Variants in PALS1 observed in about 807,000 individuals in gnomAD.
The protein encoded by PALS1 is protein PALS1.
In PALS1, 31 loss-of-function variants were observed where a neutral mutation model predicts 78.9. The ratio of observed to expected loss-of-function variants is 0.39; its 90% CI spans 0.30 to 0.53. The LOEUF is 0.53. Ranked by LOEUF, PALS1 falls within the 20% of genes least tolerant of loss-of-function variation. The pLI is 0.67. For missense variants in PALS1, 704 were observed against 826.5 expected, an observed-to-expected ratio of 0.85 and a Z score of 1.82; for synonymous variants, 276 against 270.9, an observed-to-expected ratio of 1.02 and a Z score of -0.18.
Position 67,302,011 on chromosome 14 carries a change from A to G in PALS1, c.694A>G (p.Met232Val). 7.5e-6 allele frequency: 12 copies of G among 1,608,622 alleles called. No homozygotes were observed. The highest frequency in any genetic ancestry group is 1.0e-5 in the Non-Finnish European group (12 of 1,177,702). Reference protein sequence around the residue: ...LAHDKVAEQEMQLEPITDERV... With the variant: ...LAHDKVAEQEVQLEPITDERV... ...CCACGATAAGGTTGCTGAGCAGGAA[A>G]TGCAGCTAGAGCCCATTACAGATGA... The change falls in exon 6 of 15, where the codon ATG becomes GTG. Residue 232 changes from methionine to valine, a missense_variant. By Grantham distance (21) the Met-to-Val change is conservative. Coordinates refer to ENST00000261681, the MANE Select transcript of PALS1 (RefSeq NM_022474.4).
chr14:67,286,881 AAC>A (rs1347095583), intron 3 of PALS1, among the ~76,000 whole-genome samples: 1 of 151,468 alleles, frequency 6.6e-6, no homozygotes, highest in Non-Finnish European at 1.5e-5. Flanking sequence ...AAAAGAAAAA[AAC>A]TGTTCTTGAA....
At chr14:67,330,157 T>TAATA (rs201443109) in intron 14 of PALS1, among the ~76,000 whole-genome samples, 1 of 139,422 alleles carries the variant, frequency 7.2e-6, no homozygotes, top group Non-Finnish European at 1.6e-5. Flanking sequence ...TAATAATAAT[T>TAATA]ATTATTATTA....
intron 1 of PALS1, among the ~76,000 whole-genome samples, chr14:67,253,392 T>C (rs2084094295): frequency 6.6e-6 from 1 of 152,136 alleles, no homozygotes; most frequent in African/African-American, 2.4e-5. Flanking sequence ...ATAGTGAAAG[T>C]CAAATGAGAG....
intron 1 of PALS1, among the ~76,000 whole-genome samples, chr14:67,251,405 T>C (rs2084061180): frequency 6.6e-6 from 1 of 152,074 alleles, no homozygotes; most frequent in South Asian, 2.1e-4. Context: ...TGGTGGTGTG[T>C]GCCTGTGGTC....
intron 1 of PALS1, among the ~76,000 whole-genome samples, chr14:67,244,383 A>G (rs2083954101): frequency 6.6e-6 from 1 of 152,164 alleles, no homozygotes; most frequent in South Asian, 2.1e-4. Context: ...TATGAGTGAC[A>G]GTGGCTTCAC....
intron 11 of PALS1, 77 bp from the exon 12 acceptor site, chr14:67,320,153 T>G (rs541060019): frequency 1.0e-3 from 1,410 of 1,356,470 alleles, no homozygotes; most frequent in Non-Finnish European, 1.3e-3. Flanking sequence ...TAATTTTGGG[T>G]GAAGATCTAT....
chr14:67,258,345 G>A (rs2084178811), intron 1 of PALS1, among the ~76,000 whole-genome samples: 1 of 152,212 alleles, frequency 6.6e-6, no homozygotes, highest in East Asian at 1.9e-4. Context: ...GACTAGTCTG[G>A]GCAATGTGGC....
intron 8 of PALS1, among the ~76,000 whole-genome samples, 164 bp downstream of exon 8, chr14:67,303,763 G>A (rs1416883532): frequency 6.6e-6 from 1 of 152,002 alleles, no homozygotes; most frequent in African/African-American, 2.4e-5. Flanking sequence ...AGTAAACTCT[G>A]CACCTTTTTT....
chr14:67,306,342 C>CTTTTGTT (rs1363360504), intron 8 of PALS1, among the ~76,000 whole-genome samples: 1 of 151,684 alleles, frequency 6.6e-6, no homozygotes, highest in African/African-American at 2.4e-5. Context: ...CTTCTTTTCT[C>CTTTTGTT]TTTTGTTTTT....
At chr14:67,332,371 T>A (rs1267081789) in intron 14 of PALS1, among the ~76,000 whole-genome samples, 1 of 152,202 alleles carries the variant, frequency 6.6e-6, no homozygotes, top group African/African-American at 2.4e-5. Flanking sequence ...GTAAATGGCA[T>A]TTTAGGTCCT....
intron 14 of PALS1, among the ~76,000 whole-genome samples, chr14:67,327,389 C>T (rs1429152723): frequency 6.6e-6 from 1 of 151,098 alleles, no homozygotes; most frequent in African/African-American, 2.4e-5. Flanking sequence ...TACAGTGGCT[C>T]ACACCTGTAA....
At chr14:67,292,820 A>C in intron 4 of PALS1, 101 bp downstream of exon 4, 1 of 867,702 alleles carries the variant, frequency 1.2e-6, no homozygotes, top group Non-Finnish European at 1.8e-6. Flanking sequence ...GATTTGTTTG[A>C]ATTAATTACT....
chr14:67,311,894 T>C (rs2085096219), intron 8 of PALS1: 1 of 152,588 alleles, frequency 6.6e-6, no homozygotes, highest in South Asian at 2.1e-4. Flanking sequence ...CATGAACATA[T>C]CCTTTAAAAG....
At chr14:67,242,531 T>G (rs776607350) in intron 1 of PALS1, among the ~76,000 whole-genome samples, 4 of 152,228 alleles carry the variant, frequency 2.6e-5, no homozygotes, top group Non-Finnish European at 4.4e-5. Flanking sequence ...TGTTAAATTA[T>G]GCAATAGGAA....
At chr14:67,255,470 T>A (rs896285901) in intron 1 of PALS1, among the ~76,000 whole-genome samples, 2 of 152,218 alleles carry the variant, frequency 1.3e-5, no homozygotes, top group African/African-American at 2.4e-5. Context: ...ATTTTAAAAT[T>A]AAAAATGTAA....
chr14:67,303,423 G>A, intron 7 of PALS1, 99 bp from the exon 8 acceptor site: 1 of 863,802 alleles, frequency 1.2e-6, no homozygotes, highest in Admixed American at 1.9e-5. Flanking sequence ...TCTGTGGAGG[G>A]GTTCTGAAAT....
chr14:67,317,497 G>T lies in PALS1; in HGVS notation c.1369+18G>T. ...AAATGATGGTAAGTTCTACTCTCAG[G>T]GATAGGTGGAATTATATCTGAAAGG... On this transcript the variant is annotated intron_variant, in intron 11 of 14. Transcript: ENST00000261681. 6.5e-7 allele frequency: 1 copy of T among 1,545,826 alleles called. No homozygotes were observed. The highest frequency in any genetic ancestry group is 8.9e-7 in the Non-Finnish European group (1 of 1,123,676).
chr14:67,304,159 G>C (rs1452088379), intron 8 of PALS1: 1 of 152,872 alleles, frequency 6.5e-6, no homozygotes, highest in African/African-American at 2.4e-5. Context: ...AACTTAGTAT[G>C]GAGTAGGGCA....
intron 1 of PALS1, among the ~76,000 whole-genome samples, chr14:67,259,286 T>C (rs1368408990): frequency 1.3e-5 from 2 of 152,048 alleles, no homozygotes; most frequent in African/African-American, 4.8e-5. Flanking sequence ...CCAAAGTGAA[T>C]GAAAGTAAAA....
Sources: gnomAD v4.1 joint callset for allele counts (sites outside exome capture counted in the v4.1 genomes callset) on GRCh38, gnomAD v4.1.1 for gene constraint, MANE v1.5 for transcripts, NCBI Gene and HGNC (gene_info 2026-07-23, HGNC 2026-07-21) for gene names.